The following NSD1 variants were observed in gnomAD, a reference collection of about 807,000 sequenced individuals.
NSD1 encodes the protein histone-lysine N-methyltransferase, H3 lysine-36 specific.
A neutral mutation model predicts 242.7 loss-of-function variants in NSD1; 26 were observed. That is an observed-to-expected ratio of 0.11 (90% CI 0.08 to 0.15). The LOEUF (loss-of-function observed/expected upper bound fraction) is 0.15, where lower values mean the gene tolerates loss of function less well. Among genes scored for constraint, NSD1 ranks in the 10% least tolerant of loss-of-function variants. NSD1 has a pLI of 1.00. For missense variants in NSD1, 2,495 were observed against 3,272.8 expected, an observed-to-expected ratio of 0.76 and a Z score of 5.80; for synonymous variants, 1,106 against 1,178.1, an observed-to-expected ratio of 0.94 and a Z score of 1.25.
At position 177,246,757 on chromosome 5, in the gene NSD1, G is replaced by A. The variant is rs965351621; in HGVS notation, c.4458G>A (p.Val1486=). 5.0e-6 allele frequency: 8 copies of A among 1,613,880 alleles called. No individual in the cohort carries two copies. Among genetic ancestry groups the A allele is most frequent in the Admixed American group, 3.3e-5 (2 of 60,002 alleles). Reference sequence around the variant, plus strand: ...CAGCCAAGATGCAGTGTAAAAAAGTGAAAAATGATGACTCGTCAAAAGAGA... The same window carrying A: ...CAGCCAAGATGCAGTGTAAAAAAGTAAAAAATGATGACTCGTCAAAAGAGA... ...HAAAKMQCKK[V]KNDDSSKEIP... The change falls in exon 10 of 23, where the codon GTG becomes GTA. Residue 1486 remains valine, a synonymous_variant. Transcript: ENST00000439151.
At chr5:177,203,633 A>G (rs1762660636) in intron 3 of NSD1, among the ~76,000 whole-genome samples, 1 of 152,202 alleles carries the variant, frequency 6.6e-6, no homozygotes, top group Non-Finnish European at 1.5e-5. Context: ...GAGTAGCTAC[A>G]CTATAAATGT....
At position 177,296,811 on chromosome 5, in the gene NSD1, C is replaced by T; in HGVS notation, c.*1352C>T. Reference sequence around the variant, plus strand: ...CCCTACCATTCACCCAGCTCACAGACTGCCAACAGGAAGTGCTGTTTGGCT... The same window carrying T: ...CCCTACCATTCACCCAGCTCACAGATTGCCAACAGGAAGTGCTGTTTGGCT... On this transcript the variant is annotated 3_prime_UTR_variant, in exon 23 of 23. Coordinates refer to ENST00000439151, the MANE Select transcript of NSD1 (RefSeq NM_022455.5). 1 of 233,368 alleles carries T rather than the reference C, an allele frequency of 4.3e-6. No homozygotes were observed. The highest frequency in any genetic ancestry group is 2.2e-5 in the African/African-American group (1 of 45,482). 14.5% of individuals were successfully genotyped at this position (233,368 alleles called of 1,614,324 possible). A position where few individuals can be genotyped will look rare whatever the true frequency, so the allele number is the denominator to read the frequency against.
chr5:177,182,914 A>G (rs1199127319), intron 2 of NSD1, among the ~76,000 whole-genome samples: 2 of 152,190 alleles, frequency 1.3e-5, no homozygotes, highest in Non-Finnish European at 2.9e-5. Context: ...CTGGCATTAC[A>G]GGCGTGAGCC....
chr5:177,283,933 G>A lies in NSD1; in HGVS notation c.6151+5G>A, dbSNP rs748377576. Reference sequence around the variant, plus strand: ...CACTAAGTGACATTAAAGCAGGTAAGAATCATTTCAGGATTCTGCAGCTGA... The same window carrying A: ...CACTAAGTGACATTAAAGCAGGTAAAAATCATTTCAGGATTCTGCAGCTGA... On this transcript the variant is annotated splice_donor_5th_base_variant and intron_variant, in intron 20 of 22. Coordinates refer to ENST00000439151, the MANE Select transcript of NSD1 (RefSeq NM_022455.5). The A allele has an allele frequency of 8.7e-6, 14 of 1,614,164 alleles. No individual in the cohort carries two copies. The highest frequency in any genetic ancestry group is 1.2e-5 in the Non-Finnish European group (14 of 1,180,026).
At chr5:177,145,436 G>A (rs781576106) in intron 2 of NSD1, among the ~76,000 whole-genome samples, 5 of 152,064 alleles carry the variant, frequency 3.3e-5, no homozygotes, top group East Asian at 1.9e-4. Flanking sequence ...ATGCCACCAC[G>A]CCTGGCTAAT....
chr5:177,224,406 T>C (rs1159486025), intron 5 of NSD1, among the ~76,000 whole-genome samples: 1 of 152,136 alleles, frequency 6.6e-6, no homozygotes, highest in Non-Finnish European at 1.5e-5. Flanking sequence ...CTAAGTATTT[T>C]AGTCTTTCTT....
chr5:177,289,519 C>G (rs1349676566), intron 21 of NSD1, among the ~76,000 whole-genome samples: 1 of 151,994 alleles, frequency 6.6e-6, no homozygotes, highest in Non-Finnish European at 1.5e-5. Flanking sequence ...AGGTTAGTTA[C>G]CTCCCTCGTC....
In NSD1 at chr5:177,299,919, A is replaced by T. The variant is rs910986780; in HGVS notation, c.*4460A>T. The T allele has an allele frequency of 8.7e-6, 2 of 230,238 alleles. No homozygotes were observed. Among genetic ancestry groups the T allele is most frequent in the Non-Finnish European group, 8.5e-6 (1 of 116,970 alleles). 14.3% of individuals were successfully genotyped at this position (230,238 alleles called of 1,614,324 possible). Reference sequence around the variant, plus strand: ...GTAGATGAGTGTGCTGAAGGTGGGGAGGGCAGCACACAGCAGCTCATGGCA... The same window carrying T: ...GTAGATGAGTGTGCTGAAGGTGGGGTGGGCAGCACACAGCAGCTCATGGCA... On this transcript the variant is annotated 3_prime_UTR_variant, in exon 23 of 23. Coordinates refer to ENST00000439151, the MANE Select transcript of NSD1 (RefSeq NM_022455.5).
chr5:177,220,951 A>C (rs1764186449), intron 5 of NSD1: 2 of 442,804 alleles, frequency 4.5e-6, no homozygotes, highest in Non-Finnish European at 9.0e-6. Flanking sequence ...TGCAACCTCC[A>C]CCTCTGGGTT....
chr5:177,149,594 C>T (rs1347957702), intron 2 of NSD1, among the ~76,000 whole-genome samples: 2 of 152,090 alleles, frequency 1.3e-5, no homozygotes, highest in South Asian at 2.1e-4. Context: ...TCCTGGGAAA[C>T]AGTTTTTCCA....
intron 2 of NSD1, among the ~76,000 whole-genome samples, chr5:177,160,388 C>A (rs1317605731): frequency 6.6e-6 from 1 of 152,162 alleles, no homozygotes; most frequent in East Asian, 1.9e-4. Flanking sequence ...GCAGCCTCCA[C>A]CTCCCAGGTT....
At chr5:177,194,441 CTTTTT>C (rs749501540) in intron 3 of NSD1, among the ~76,000 whole-genome samples, 3 of 118,576 alleles carry the variant, frequency 2.5e-5, no homozygotes, top group South Asian at 2.7e-4. Flanking sequence ...CCACACATGG[CTTTTT>C]TTTTTTTTTT....
rs1760369471 is a variant in NSD1, at chr5:177,298,131, A to G, written c.*2672A>G. 8 of 232,910 alleles carry G rather than the reference A, an allele frequency of 3.4e-5. 1 individual carries two copies. In the South Asian group the frequency reaches 1.3e-3, roughly 37 times the overall value. 14.4% of individuals were successfully genotyped at this position (232,910 alleles called of 1,614,324 possible). On this transcript the variant is annotated 3_prime_UTR_variant, in exon 23 of 23. Coordinates refer to ENST00000439151, the MANE Select transcript of NSD1 (RefSeq NM_022455.5). Reference sequence around the variant, plus strand: ...GTTGGGAAATGTGACTCTTGGAGGAAGGTGGGGAGGGAGTGGCCTTGCCAG... The same window carrying G: ...GTTGGGAAATGTGACTCTTGGAGGAGGGTGGGGAGGGAGTGGCCTTGCCAG...
At chr5:177,256,912 C>A in intron 12 of NSD1, 39 bp from the exon 13 acceptor site, 1 of 1,558,366 alleles carries the variant, frequency 6.4e-7, no homozygotes, top group Non-Finnish European at 8.9e-7. Flanking sequence ...TTGGTAGATT[C>A]TTGAATTCTT....
At chr5:177,160,153 AG>A (rs1758623582) in intron 2 of NSD1, among the ~76,000 whole-genome samples, 1 of 151,964 alleles carries the variant, frequency 6.6e-6, no homozygotes, top group African/African-American at 2.4e-5. Flanking sequence ...CGCCTTCCCA[AG>A]TGCTGGGATT....
chr5:177,162,392 A>AGTTT (rs151062416), intron 2 of NSD1, among the ~76,000 whole-genome samples: 37,119 of 151,060 alleles, frequency 0.25, 4,807 homozygotes, highest in Middle Eastern at 0.38. Flanking sequence ...AAGTCATTAT[A>AGTTT]GTTTGTTTGT....
chr5:177,297,060 T>G lies in NSD1; in HGVS notation c.*1601T>G, dbSNP rs910842501. The G allele has an allele frequency of 4.3e-6, 1 of 233,182 alleles. No homozygotes were observed. Among genetic ancestry groups the G allele is most frequent in the Non-Finnish European group, 8.5e-6 (1 of 118,062 alleles). The allele number at this position is 233,182 out of a possible 1,614,324, so 14.4% of individuals were successfully genotyped here. The stretch of plus-strand genomic sequence containing the variant: ...AATTCCACGGAGGGAACAGTAGTTA[T>G]TATAGAAGCATTTGCGCTTTATCTA... On this transcript the variant is annotated 3_prime_UTR_variant, in exon 23 of 23. Transcript: ENST00000439151.
At chr5:177,190,014 G>A (rs1761537963) in intron 2 of NSD1, among the ~76,000 whole-genome samples, 1 of 152,132 alleles carries the variant, frequency 6.6e-6, no homozygotes, top group African/African-American at 2.4e-5. Context: ...CTGGAGTGCA[G>A]TGGGCATGAA....
intron 5 of NSD1, among the ~76,000 whole-genome samples, chr5:177,226,444 G>A (rs75439236): frequency 0.018 from 2,778 of 152,244 alleles, 33 homozygotes; most frequent in Non-Finnish European, 0.028. Context: ...TAAGTCATTT[G>A]GTATGTGTGA....
Sources: allele counts gnomAD v4.1 joint callset (sites outside exome capture counted in the v4.1 genomes callset), GRCh38; gene constraint gnomAD v4.1.1; transcripts MANE v1.5; gene names NCBI Gene and HGNC (gene_info 2026-07-23, HGNC 2026-07-21).